Variants in ASAP2 observed in about 807,000 individuals in gnomAD.
ASAP2 encodes the protein arf-GAP with SH3 domain, ANK repeat and PH domain-containing protein 2.
Under a neutral mutation model 131.4 loss-of-function variants are expected in ASAP2, and 45 were observed. That is an observed-to-expected ratio of 0.34 (90% CI 0.27 to 0.44). The LOEUF (loss-of-function observed/expected upper bound fraction) is 0.44, where lower values mean the gene tolerates loss of function less well. Ranked by LOEUF, ASAP2 falls within the 20% of genes least tolerant of loss-of-function variation. ASAP2 has a pLI of 1.00. For synonymous variants in ASAP2, 510 were observed against 503.0 expected (o/e 1.01, Z -0.19); for missense variants, 1,011 against 1,297.0 (o/e 0.78, Z 3.39).
At chr2:9,401,746 A>AGCG (rs1431605083) in intron 27 of ASAP2, among the ~76,000 whole-genome samples, 21 of 152,312 alleles carry the variant, frequency 1.4e-4, no homozygotes, top group African/African-American at 4.8e-4. Flanking sequence ...GCTGACCTAG[A>AGCG]GCGCAGAGCC....
intron 2 of ASAP2, among the ~76,000 whole-genome samples, chr2:9,284,348 G>T (rs568724066): frequency 6.6e-6 from 1 of 152,138 alleles, no homozygotes; most frequent in African/African-American, 2.4e-5. Context: ...GCTCCTGATT[G>T]TTCTCTAGTA....
intron 1 of ASAP2, among the ~76,000 whole-genome samples, chr2:9,208,574 TATA>T: frequency 6.6e-6 from 1 of 152,282 alleles, no homozygotes; most frequent in African/African-American, 2.4e-5. Context: ...ATCCTGTTAA[TATA>T]ACTTGGGTAG....
At chr2:9,211,720 C>T (rs1187921976) in intron 1 of ASAP2, among the ~76,000 whole-genome samples, 1 of 152,168 alleles carries the variant, frequency 6.6e-6, no homozygotes, top group East Asian at 1.9e-4. Context: ...CTCCCAGGGG[C>T]CCTGCCGTCC....
At position 9,207,354 on chromosome 2, in the gene ASAP2, C is replaced by A. The variant is rs960252500; in HGVS notation, c.126+124C>A. 3 of 1,322,756 alleles carry A rather than the reference C, an allele frequency of 2.3e-6. No homozygotes were observed. The highest frequency in any genetic ancestry group is 3.0e-6 in the Non-Finnish European group (3 of 1,010,940). The allele number at this position is 1,322,756 out of a possible 1,614,324, so 81.9% of individuals were successfully genotyped here. On this transcript the variant is annotated intron_variant, in intron 1 of 27. Coordinates refer to ENST00000281419, the MANE Select transcript of ASAP2 (RefSeq NM_003887.3). The surrounding 1 kb of genome is among the most constrained non-coding windows in gnomAD (Gnocchi z 4.1). Reference sequence around the variant, plus strand: ...CGAAGCCGGACGCGGCCGGGCCAACCCTGCCCGAGACAGAAGCCCTTTGTT... The same window carrying A: ...CGAAGCCGGACGCGGCCGGGCCAACACTGCCCGAGACAGAAGCCCTTTGTT...
rs1433585341 is a variant in ASAP2, at chr2:9,268,057, G to A, written c.127-11260G>A. On this transcript the variant is annotated intron_variant, in intron 1 of 27. Coordinates refer to ENST00000281419, the MANE Select transcript of ASAP2 (RefSeq NM_003887.3). This position sits in a 1 kb window ranked among gnomAD's most constrained non-coding sequence, Gnocchi z 4.1. ...GCCTCAGTTTGTAGTTTGCCAACAA[G>A]GTGTATATCCCTAAACATAAACAAT... Among the ~76,000 whole-genome samples the A allele has an allele frequency of 6.6e-6, 1 of 152,162 alleles. No individual in the cohort carries two copies. Among genetic ancestry groups the A allele is most frequent in the Non-Finnish European group, 1.5e-5 (1 of 68,040 alleles).
intron 1 of ASAP2, among the ~76,000 whole-genome samples, chr2:9,267,101 A>G (rs1665993435): frequency 6.6e-6 from 1 of 152,212 alleles, no homozygotes. Context: ...TCTTATATAT[A>G]CACACACATA....
rs1347906289 is a variant in ASAP2, at chr2:9,217,681, C to G, written c.126+10451C>G. On this transcript the variant is annotated intron_variant, in intron 1 of 27. Transcript: ENST00000281419. This position sits in a 1 kb window ranked among gnomAD's most constrained non-coding sequence, Gnocchi z 4.0. ...CCAGGCTGGAGTGCGGTGGCACAATCTCGGCTCACTGCAAGCTCCGCCTCC... is the reference window on the plus strand; with the variant it reads ...CCAGGCTGGAGTGCGGTGGCACAATGTCGGCTCACTGCAAGCTCCGCCTCC... Among the ~76,000 whole-genome samples, 1 of 151,420 alleles carries G rather than the reference C, an allele frequency of 6.6e-6. No homozygotes were observed. The highest frequency in any genetic ancestry group is 1.5e-5 in the Non-Finnish European group (1 of 67,956).
At chr2:9,267,947 G>A (rs967534680) in intron 1 of ASAP2, among the ~76,000 whole-genome samples, 1 of 148,886 alleles carries the variant, frequency 6.7e-6, no homozygotes, top group Non-Finnish European at 1.5e-5. Flanking sequence ...CCTGGTTTTG[G>A]CCAGCACTCC....
intron 1 of ASAP2, among the ~76,000 whole-genome samples, chr2:9,278,594 A>C (rs1363718028): frequency 6.6e-6 from 1 of 152,002 alleles, no homozygotes. Context: ...TTAAATTTCC[A>C]GGTGTGATTA....
chr2:9,287,403 G>A (rs887388575), intron 2 of ASAP2, among the ~76,000 whole-genome samples: 8 of 152,208 alleles, frequency 5.3e-5, no homozygotes, highest in Admixed American at 5.2e-4. Flanking sequence ...AGTTGTAAGA[G>A]CAGCATTTAA....
At chr2:9,373,455 G>A (rs994225600) in intron 16 of ASAP2, among the ~76,000 whole-genome samples, 4 of 152,364 alleles carry the variant, frequency 2.6e-5, no homozygotes, top group Middle Eastern at 3.4e-3. Flanking sequence ...GGTGCTGTGG[G>A]AGTAATGGCT....
chr2:9,362,452 T>C (rs1321617918), intron 15 of ASAP2, among the ~76,000 whole-genome samples: 1 of 152,254 alleles, frequency 6.6e-6, no homozygotes, highest in Non-Finnish European at 1.5e-5. Context: ...CATGATGTTT[T>C]AGTATGTTGT....
At chr2:9,381,980 CTTTTTTT>C (rs759499289) in intron 20 of ASAP2, among the ~76,000 whole-genome samples, 1 of 115,962 alleles carries the variant, frequency 8.6e-6, no homozygotes, top group African/African-American at 3.8e-5. Flanking sequence ...CTCATTTAAT[CTTTTTTT>C]TTTTTTTTTT....
At chr2:9,308,445 C>T (rs1450326900) in intron 3 of ASAP2, among the ~76,000 whole-genome samples, 1 of 152,218 alleles carries the variant, frequency 6.6e-6, no homozygotes. Context: ...CTGGGGACTG[C>T]AATTGGACAT....
chr2:9,398,448 G>A (rs1390509488), intron 24 of ASAP2, among the ~76,000 whole-genome samples: 1 of 152,022 alleles, frequency 6.6e-6, no homozygotes, highest in African/African-American at 2.4e-5. Flanking sequence ...GAGTTCCGAG[G>A]CTGCGGTGAA....
chr2:9,317,454 A>AC (rs1669813423), intron 3 of ASAP2, among the ~76,000 whole-genome samples: 12 of 125,464 alleles, frequency 9.6e-5, no homozygotes, highest in South Asian at 8.5e-4. Context: ...TCACACACAC[A>AC]TGTGCATTCA....
At chr2:9,352,416 G>A (rs1006993670) in intron 12 of ASAP2, among the ~76,000 whole-genome samples, 2 of 152,212 alleles carry the variant, frequency 1.3e-5, no homozygotes, top group South Asian at 2.1e-4. Context: ...GAAGCCATGC[G>A]TTAAAATGCC....
At chr2:9,290,945 C>T (rs1241013815) in intron 2 of ASAP2, among the ~76,000 whole-genome samples, 2 of 152,208 alleles carry the variant, frequency 1.3e-5, no homozygotes, top group Admixed American at 6.5e-5. Context: ...CAGTTTTCCC[C>T]ACCACTGTTA....
chr2:9,261,967 C>T (rs2148203139), intron 1 of ASAP2, among the ~76,000 whole-genome samples: 1 of 152,312 alleles, frequency 6.6e-6, no homozygotes, highest in Non-Finnish European at 1.5e-5. Flanking sequence ...TGCCATGTGC[C>T]CCTCCCCGTG....
Sources: allele counts gnomAD v4.1 joint callset (sites outside exome capture counted in the v4.1 genomes callset), GRCh38; gene constraint gnomAD v4.1.1; non-coding constraint Gnocchi (gnomAD v3.1); transcripts MANE v1.5; gene names NCBI Gene and HGNC (gene_info 2026-07-23, HGNC 2026-07-21).